KDM4C: variants seen among roughly 807,000 people sequenced by gnomAD.
KDM4C encodes lysine demethylase 4C.
Under a neutral mutation model 129.3 loss-of-function variants are expected in KDM4C, and 81 were observed. The ratio of observed to expected loss-of-function variants is 0.63; its 90% confidence interval spans 0.52 to 0.75. The LOEUF is 0.75. Ranked by LOEUF, KDM4C falls within the 30% of genes least tolerant of loss-of-function variation. The pLI, the probability that KDM4C is intolerant of heterozygous loss-of-function variation, is 0.00. For missense variants in KDM4C, 1,457 were observed against 1,304.0 expected (o/e 1.12, Z -1.81); for synonymous variants, 573 against 456.1 (o/e 1.26, Z -3.26).
At chr9:7,117,703 C>G (rs576435857) in intron 18 of KDM4C, among the ~76,000 whole-genome samples, 1 of 151,460 alleles carries the variant, frequency 6.6e-6, no homozygotes, top group East Asian at 1.9e-4. Context: ...GAATATATTG[C>G]TCTTCCTAAA....
At chr9:6,736,117 G>T (rs1010941886) in intron 1 of KDM4C, among the ~76,000 whole-genome samples, 2 of 152,148 alleles carry the variant, frequency 1.3e-5, no homozygotes, top group African/African-American at 4.8e-5. Context: ...AGGGTATCTG[G>T]TGGAAGAAAT....
intron 8 of KDM4C, among the ~76,000 whole-genome samples, chr9:6,980,063 T>C (rs1162012481): frequency 6.6e-6 from 1 of 152,196 alleles, no homozygotes; most frequent in Admixed American, 6.5e-5. Flanking sequence ...TAAAGTCTTA[T>C]TGTGTCAAAA....
chr9:6,940,034 T>TTCCTTCCTTCC lies in KDM4C; in HGVS notation c.922-40890_922-40889insCCTTCCTTCCT, dbSNP rs1563850249. 5.8e-4 allele frequency among the ~76,000 whole-genome samples: 41 copies of TTCCTTCCTTCC among 71,014 alleles called. 1 individual carries two copies. Among genetic ancestry groups the TTCCTTCCTTCC allele is most frequent in the East Asian group, 3.4e-3 (8 of 2,328 alleles). 46.6% of individuals were successfully genotyped at this position (71,014 alleles called of 152,430 possible). A position where few individuals can be genotyped will look rare whatever the true frequency, so the allele number is the denominator to read the frequency against. The stretch of plus-strand genomic sequence containing the variant: ...CCTTCCTTCCTTCCTTCCTTCCTTC[T>TTCCTTCCTTCC]TTCCTTCCTTCCCTCCTTCCCTCCT... On this transcript the variant is annotated intron_variant, in intron 8 of 21. Transcript: ENST00000381309.
chr9:6,762,669 T>A (rs989916688), intron 1 of KDM4C, among the ~76,000 whole-genome samples: 3 of 149,378 alleles, frequency 2.0e-5, no homozygotes, highest in African/African-American at 7.3e-5. Context: ...TGTCTTTTTT[T>A]TTTTTTAAGA....
chr9:7,137,942 C>A (rs928982219), intron 19 of KDM4C, among the ~76,000 whole-genome samples: 1 of 152,210 alleles, frequency 6.6e-6, no homozygotes, highest in African/African-American at 2.4e-5. Flanking sequence ...CAGAAGAAGT[C>A]AGTACTATCT....
intron 15 of KDM4C, among the ~76,000 whole-genome samples, chr9:7,044,412 T>C (rs1357317279): frequency 2.0e-5 from 3 of 151,902 alleles, no homozygotes; most frequent in South Asian, 2.1e-4. Context: ...CCTTCTCTCA[T>C]GGGGTTCAGA....
chr9:7,059,720 C>T (rs907913570), intron 17 of KDM4C, among the ~76,000 whole-genome samples: 11 of 152,190 alleles, frequency 7.2e-5, no homozygotes, highest in African/African-American at 2.7e-4. Context: ...GAGACTCTAA[C>T]TCTCTTTTAT....
intron 17 of KDM4C, among the ~76,000 whole-genome samples, chr9:7,098,969 G>A (rs1324760828): frequency 7.6e-6 from 1 of 131,058 alleles, no homozygotes; most frequent in Middle Eastern, 4.9e-3. Flanking sequence ...TTTTAGCCTC[G>A]ATCCTCTGAC....
chr9:7,042,724 C>T (rs1021900812), intron 15 of KDM4C, among the ~76,000 whole-genome samples: 1 of 152,046 alleles, frequency 6.6e-6, no homozygotes, highest in Non-Finnish European at 1.5e-5. Flanking sequence ...TTGCACTCTA[C>T]TTTGATACCT....
At chr9:6,994,292 T>G (rs1294809542) in intron 12 of KDM4C, among the ~76,000 whole-genome samples, 4 of 152,218 alleles carry the variant, frequency 2.6e-5, no homozygotes, top group African/African-American at 9.6e-5. Context: ...GGACCCCTGA[T>G]TTAGACAACT....
At chr9:7,165,507 C>G in intron 20 of KDM4C, 150 bp downstream of exon 20, 1 of 881,968 alleles carries the variant, frequency 1.1e-6, no homozygotes, top group Non-Finnish European at 1.7e-6. Context: ...TGTGTAATGA[C>G]CCAGGTCGAA....
At chr9:6,936,925 A>G (rs1380150213) in intron 8 of KDM4C, among the ~76,000 whole-genome samples, 2 of 152,252 alleles carry the variant, frequency 1.3e-5, no homozygotes, top group Admixed American at 6.5e-5. Flanking sequence ...TAGCATTGAG[A>G]AAATATTCAT....
intron 17 of KDM4C, among the ~76,000 whole-genome samples, chr9:7,051,492 G>A (rs1307741749): frequency 6.6e-6 from 1 of 152,170 alleles, no homozygotes. Flanking sequence ...TGTATGTCGT[G>A]TTAAGGGTAC....
intron 1 of KDM4C, among the ~76,000 whole-genome samples, chr9:6,766,924 G>A (rs973224692): frequency 7.9e-5 from 12 of 152,008 alleles, no homozygotes; most frequent in Non-Finnish European, 1.8e-4. Flanking sequence ...CTCCATCTTT[G>A]CATTTGTTTT....
intron 1 of KDM4C, chr9:6,749,004 ACTTGCAAG>A (rs1817980765): frequency 2.7e-6 from 2 of 749,666 alleles, no homozygotes; most frequent in African/African-American, 3.5e-5. Context: ...CAAAGAGCAC[ACTTGCAAG>A]CTTATTATTA....
chr9:6,785,427 C>A (rs1439610474), intron 1 of KDM4C, among the ~76,000 whole-genome samples: 1 of 151,932 alleles, frequency 6.6e-6, no homozygotes, highest in Non-Finnish European at 1.5e-5. Context: ...AACTCTGCCT[C>A]CCGGGTTCAA....
At chr9:6,885,401 C>G (rs2130821547) in intron 6 of KDM4C, among the ~76,000 whole-genome samples, 1 of 152,288 alleles carries the variant, frequency 6.6e-6, no homozygotes. Context: ...TGAGATCCTA[C>G]ACACTTCTCT....
intron 15 of KDM4C, among the ~76,000 whole-genome samples, chr9:7,032,490 C>T (rs948573064): frequency 1.3e-5 from 2 of 152,164 alleles, no homozygotes; most frequent in Admixed American, 1.3e-4. Context: ...GAACTTTGGA[C>T]CTATGTGTTC....
intron 4 of KDM4C, chr9:6,835,557 C>T: frequency 8.3e-7 from 1 of 1,199,376 alleles, no homozygotes; most frequent in Non-Finnish European, 1.2e-6. Flanking sequence ...GCTCCATCAT[C>T]CATCCTTCAA....
Sources: gnomAD v4.1 joint callset for allele counts (sites outside exome capture counted in the v4.1 genomes callset) on GRCh38, gnomAD v4.1.1 for gene constraint, MANE v1.5 for transcripts, NCBI Gene and HGNC (gene_info 2026-07-23, HGNC 2026-07-21) for gene names.